The following BEND7 variants were observed in gnomAD, a reference collection of about 807,000 sequenced individuals.
BEND7 encodes BEN domain-containing protein 7.
Under a neutral mutation model 50.9 loss-of-function variants are expected in BEND7, and 28 were observed. That is an observed-to-expected ratio of 0.55 (90% CI 0.41 to 0.75). BEND7 has a LOEUF of 0.75. Among genes scored for constraint, BEND7 ranks in the 30% least tolerant of loss-of-function variants. The pLI, the probability that BEND7 is intolerant of heterozygous loss-of-function variation, is 0.00. For missense variants in BEND7, 477 were observed against 491.3 expected (o/e 0.97, Z 0.28); for synonymous variants, 170 against 183.9 (o/e 0.92, Z 0.61).
intron 2 of BEND7, among the ~76,000 whole-genome samples, chr10:13,515,536 A>G (rs2078603967): frequency 6.6e-6 from 1 of 152,238 alleles, no homozygotes; most frequent in Non-Finnish European, 1.5e-5. Flanking sequence ...CTGAAAGAAA[A>G]TGTCTCTCAA....
At chr10:13,471,325 G>C (rs1223825623) in intron 6 of BEND7, among the ~76,000 whole-genome samples, 1 of 152,254 alleles carries the variant, frequency 6.6e-6, no homozygotes, top group Non-Finnish European at 1.5e-5. Context: ...ATACTGCAAA[G>C]ATTCTGGTGT....
At chr10:13,458,288 C>T (rs1415252113) in intron 6 of BEND7, among the ~76,000 whole-genome samples, 16 of 152,234 alleles carry the variant, frequency 1.1e-4, no homozygotes, top group East Asian at 1.9e-4. Context: ...AAGGCGGCAG[C>T]GCGTGGCGTG....
chr10:13,466,417 G>C (rs1285347248), intron 6 of BEND7, among the ~76,000 whole-genome samples: 3 of 152,018 alleles, frequency 2.0e-5, no homozygotes, highest in African/African-American at 4.8e-5. Flanking sequence ...AAATTAGCTG[G>C]GCGTGGTGGC....
chr10:13,511,722 A>G (rs1467338818), intron 2 of BEND7, among the ~76,000 whole-genome samples: 1 of 152,192 alleles, frequency 6.6e-6, no homozygotes, highest in Non-Finnish European at 1.5e-5. Flanking sequence ...CAGAGCACTT[A>G]GTATGTACCA....
At chr10:13,526,355 A>C (rs746085519) in intron 1 of BEND7, 134 bp from the exon 2 acceptor site, 5 of 262,096 alleles carry the variant, frequency 1.9e-5, no homozygotes, top group Non-Finnish European at 3.5e-5. Context: ...GAACTGAAAT[A>C]ATCACAGAAT....
chr10:13,464,981 C>G (rs1283558320), intron 6 of BEND7, among the ~76,000 whole-genome samples: 1 of 152,158 alleles, frequency 6.6e-6, no homozygotes, highest in African/African-American at 2.4e-5. Context: ...CGTGACCTTC[C>G]CCGATAAGGC....
At chr10:13,439,599 G>T, downstream of BEND7, 1 of 1,159,136 alleles carries the variant, frequency 8.6e-7, no homozygotes, top group Non-Finnish European at 1.2e-6. Context: ...GAGTGCAAGT[G>T]ACACCCCTCC....
chr10:13,451,790 T>C (rs956509256), intron 7 of BEND7, among the ~76,000 whole-genome samples: 1 of 117,902 alleles, frequency 8.5e-6, no homozygotes, highest in Non-Finnish European at 1.6e-5. Context: ...CCCCGGTGTG[T>C]GATGTTCCCC....
At chr10:13,486,216 A>C (rs2076211754) in intron 5 of BEND7, among the ~76,000 whole-genome samples, 1 of 152,158 alleles carries the variant, frequency 6.6e-6, no homozygotes, top group South Asian at 2.1e-4. Flanking sequence ...TTTTGTAGAG[A>C]GGGGGGTCTC....
chr10:13,510,559 A>G (rs116919895), intron 2 of BEND7, among the ~76,000 whole-genome samples: 2,084 of 152,328 alleles, frequency 0.014, 22 homozygotes, highest in Middle Eastern at 0.024. Context: ...CAACGAAATT[A>G]TATCATTTCA....
chr10:13,481,207 C>G (rs2075830689), intron 5 of BEND7, 83 bp from the exon 6 acceptor site: 1 of 1,267,388 alleles, frequency 7.9e-7, no homozygotes, highest in Non-Finnish European at 1.1e-6. Context: ...AAAAACATCA[C>G]TAGCTACTGA....
intron 2 of BEND7, among the ~76,000 whole-genome samples, chr10:13,515,941 A>G (rs1447327738): frequency 6.6e-6 from 1 of 152,198 alleles, no homozygotes; most frequent in Non-Finnish European, 1.5e-5. Context: ...TACGCTGCCA[A>G]CATGTGGAGA....
intron 8 of BEND7, chr10:13,443,308 A>C (rs1386768582): frequency 6.5e-6 from 1 of 152,682 alleles, no homozygotes; most frequent in Non-Finnish European, 1.5e-5. Context: ...CGGAAGTTAC[A>C]TATGCCACTC....
At chr10:13,527,002 T>C (rs890943573) in intron 1 of BEND7, among the ~76,000 whole-genome samples, 4 of 152,200 alleles carry the variant, frequency 2.6e-5, no homozygotes, top group Non-Finnish European at 5.9e-5. Context: ...GGCATGAAAA[T>C]AGAGGTTCCT....
chr10:13,484,611 A>G (rs1341396993), intron 5 of BEND7, among the ~76,000 whole-genome samples: 2 of 152,252 alleles, frequency 1.3e-5, no homozygotes, highest in Non-Finnish European at 2.9e-5. Context: ...CAGATTCACA[A>G]TTTGATACTC....
downstream of BEND7, chr10:13,439,272 T>A: frequency 6.2e-7 from 1 of 1,614,140 alleles, no homozygotes; most frequent in East Asian, 2.2e-5. Context: ...AGCTGAGACC[T>A]GAGTTATGAG....
At chr10:13,527,618 A>G (rs1433173745) in intron 1 of BEND7, among the ~76,000 whole-genome samples, 2 of 152,176 alleles carry the variant, frequency 1.3e-5, no homozygotes, top group African/African-American at 2.4e-5. Flanking sequence ...TCTAAACTCA[A>G]TATGAGGACT....
rs12240994 is a variant in BEND7, at chr10:13,457,244, C to T, written c.1064-4586G>A. Among the ~76,000 whole-genome samples the T allele has an allele frequency of 4.2e-3, 645 of 152,298 alleles. 7 individuals carry two copies. The highest frequency in any genetic ancestry group is 0.013 in the African/African-American group (544 of 41,556). On this transcript the variant is annotated intron_variant, in intron 6 of 8. Transcript: ENST00000466271. ...CCACATTGAACGATTCCCACGTGTG[C>T]GGACAAGCCAGTTTAAGATAAGCCA... is the stretch of plus-strand genomic sequence containing the variant.
chr10:13,525,141 G>A (rs2079365164), intron 2 of BEND7, among the ~76,000 whole-genome samples: 1 of 152,080 alleles, frequency 6.6e-6, no homozygotes, highest in Non-Finnish European at 1.5e-5. Context: ...GCAGTGCTGT[G>A]CCCTCACCCT....
Sources: allele counts gnomAD v4.1 joint callset (sites outside exome capture counted in the v4.1 genomes callset), GRCh38; gene constraint gnomAD v4.1.1; transcripts MANE v1.5; gene names NCBI Gene and HGNC (gene_info 2026-07-23, HGNC 2026-07-21).